Variants in GYS2 observed in about 807,000 individuals in gnomAD.
GYS2 encodes glycogen [starch] synthase, liver.
GYS2 carries 80 observed loss-of-function variants against 85.6 expected under a neutral mutation model. The observed-to-expected ratio is 0.93, with a 90% CI of 0.78 to 1.13. The LOEUF is 1.13. Ranked by LOEUF, GYS2 falls within the 50% of genes most tolerant of loss-of-function variation. The probability of loss-of-function intolerance (pLI) is 0.00; values close to 1 mark genes in which losing one functional copy is unlikely to be tolerated. For synonymous variants in GYS2, 328 were observed against 300.7 expected, an observed-to-expected ratio of 1.09 and a Z score of -0.94; for missense variants, 881 against 854.9, an observed-to-expected ratio of 1.03 and a Z score of -0.38.
intron 14 of GYS2, among the ~76,000 whole-genome samples, 163 bp downstream of exon 14, chr12:21,540,247 T>C (rs1943956061): frequency 6.6e-6 from 1 of 152,256 alleles, no homozygotes; most frequent in Non-Finnish European, 1.5e-5. Context: ...GAAATACATA[T>C]AGGACTTTGT....
intron 2 of GYS2, among the ~76,000 whole-genome samples, chr12:21,577,073 T>C (rs141113617): frequency 6.6e-6 from 1 of 152,288 alleles, no homozygotes; most frequent in East Asian, 1.9e-4. Context: ...GACCCAGGCA[T>C]GTGTGGGGAT....
At chr12:21,547,180 A>C (rs1476584075) in intron 11 of GYS2, among the ~76,000 whole-genome samples, 1 of 152,228 alleles carries the variant, frequency 6.6e-6, no homozygotes, top group Non-Finnish European at 1.5e-5. Flanking sequence ...ATGGCTTCTA[A>C]GCAGTGGTAT....
chr12:21,575,244 A>G (rs1944431427), intron 3 of GYS2, among the ~76,000 whole-genome samples: 1 of 152,206 alleles, frequency 6.6e-6, no homozygotes, highest in African/African-American at 2.4e-5. Context: ...AACACACTGA[A>G]GATCGGGGTC....
rs1215803465 is a variant in GYS2 at position 21,599,112 on chromosome 12, C to CTA, written c.121+5358_121+5359dup. ...CCCCCATCTCTCTCTGTCTCTCTCT[C>CTA]TATATATATGTATACACACATATAT... On this transcript the variant is annotated intron_variant, in intron 1 of 15. Transcript: ENST00000261195. Among the ~76,000 whole-genome samples, 7 of 151,646 alleles carry CTA rather than the reference C, an allele frequency of 4.6e-5. No individual in the cohort carries two copies. The East Asian group carries it at 1.4e-3, about 29-fold the overall frequency.
chr12:21,591,884 C>A (rs1013875852), intron 1 of GYS2, among the ~76,000 whole-genome samples: 1 of 152,030 alleles, frequency 6.6e-6, no homozygotes, highest in Non-Finnish European at 1.5e-5. Context: ...ATGTTATACC[C>A]AGCAACATTG....
At chr12:21,563,142 C>T in intron 6 of GYS2, 86 bp downstream of exon 6, 2 of 1,175,302 alleles carry the variant, frequency 1.7e-6, no homozygotes, top group Non-Finnish European at 2.6e-6. Flanking sequence ...GAAAGATAAA[C>T]ATTTATTATT....
In GYS2 at chr12:21,562,076, G is replaced by T. The variant is rs142187687; in HGVS notation, c.1062+842C>A. On this transcript the variant is annotated intron_variant, in intron 7 of 15. Transcript: ENST00000261195. ...AGCTGCCATCAATAGCTATGACATG[G>T]TATCTTTTTTTATAGTTGCTTTTAT... is the stretch of plus-strand genomic sequence containing the variant. 4.3e-4 allele frequency among the ~76,000 whole-genome samples: 65 copies of T among 152,180 alleles called. No homozygotes were observed. In the East Asian group the frequency reaches 0.012, roughly 28 times the overall value.
intron 4 of GYS2, among the ~76,000 whole-genome samples, chr12:21,571,163 A>T (rs1361313652): frequency 6.6e-6 from 1 of 152,220 alleles, no homozygotes; most frequent in Non-Finnish European, 1.5e-5. Flanking sequence ...ACCCCGTGAG[A>T]GGCCTTGGGG....
chr12:21,592,885 A>G (rs1944654990), intron 1 of GYS2, among the ~76,000 whole-genome samples: 2 of 152,090 alleles, frequency 1.3e-5, no homozygotes, highest in South Asian at 4.1e-4. Flanking sequence ...GTTAGAACAC[A>G]AAAGAAGTCT....
At position 21,559,031 on chromosome 12, in the gene GYS2, A is replaced by G. The variant is rs533457905; in HGVS notation, c.1308+60T>C. 9 of 984,414 alleles carry G rather than the reference A, an allele frequency of 9.1e-6. No individual in the cohort carries two copies. The South Asian group carries it at 1.2e-4, about 14-fold the overall frequency. The allele number at this position is 984,414 out of a possible 1,614,324, so 61.0% of individuals were successfully genotyped here. A position where few individuals can be genotyped will look rare whatever the true frequency, so the allele number is the denominator to read the frequency against. On this transcript the variant is annotated intron_variant, in intron 10 of 15. Transcript: ENST00000261195. ...AATTAGCACATTCCAATAAATTAAA[A>G]TACTGATTAGATAGAATTTAATAAC... is the stretch of plus-strand genomic sequence containing the variant.
intron 11 of GYS2, among the ~76,000 whole-genome samples, chr12:21,548,843 T>C (rs2136855397): frequency 6.6e-6 from 1 of 152,254 alleles, no homozygotes; most frequent in African/African-American, 2.4e-5. Flanking sequence ...GGGGCACGTA[T>C]TTTGCCCAAC....
At chr12:21,586,304 A>G (rs112768455) in intron 1 of GYS2, among the ~76,000 whole-genome samples, 1 of 152,122 alleles carries the variant, frequency 6.6e-6, no homozygotes, top group African/African-American at 2.4e-5. Context: ...CAAGTCCTTC[A>G]GCTTTGGGAC....
rs1180052815 is a variant in GYS2, at chr12:21,536,546, T to C, written c.*408A>G. 2 of 230,620 alleles carry C rather than the reference T, an allele frequency of 8.7e-6. No homozygotes were observed. Among genetic ancestry groups the C allele is most frequent in the Non-Finnish European group, 1.7e-5 (2 of 117,414 alleles). 14.3% of individuals were successfully genotyped at this position (230,620 alleles called of 1,614,324 possible). On this transcript the variant is annotated 3_prime_UTR_variant, in exon 16 of 16. Transcript: ENST00000261195. ...AATGTAGGTAGTGCACATTCATGGG[T>C]AAGATCAAGGTTTTCGGGGGGGAAA...
At chr12:21,591,094 C>T (rs1487384479) in intron 1 of GYS2, among the ~76,000 whole-genome samples, 1 of 151,972 alleles carries the variant, frequency 6.6e-6, no homozygotes, top group Non-Finnish European at 1.5e-5. Context: ...AGAAATATGA[C>T]ACTTCCAAAG....
intron 1 of GYS2, among the ~76,000 whole-genome samples, chr12:21,597,641 G>A (rs765800799): frequency 1.6e-4 from 24 of 152,036 alleles, no homozygotes; most frequent in Non-Finnish European, 2.9e-4. Flanking sequence ...ACAATATGTA[G>A]ATTTACCAAA....
At chr12:21,560,559 T>G in intron 7 of GYS2, 67 bp from the exon 8 acceptor site, 1 of 808,522 alleles carries the variant, frequency 1.2e-6, no homozygotes, top group Admixed American at 1.7e-5. Context: ...TAGATGGAAC[T>G]TAAACATTGA....
chr12:21,559,130 A>G lies in GYS2; in HGVS notation c.1269T>C (p.Asp423=). 6.2e-7 allele frequency: 1 copy of G among 1,609,814 alleles called. No homozygotes were observed. Among genetic ancestry groups the G allele is most frequent in the Non-Finnish European group, 8.5e-7 (1 of 1,176,738 alleles). The part of the protein sequence containing the change: ...IPDLNDILDR[D]DLTIMKRAIF... ...TGGCTCTTTTCATAATTGTTAGATC[A>G]TCTCGATCTAAAATATCGTTCAGGT... The change falls in exon 10 of 16, where the codon GAT becomes GAC. Residue 423 remains aspartate (D), a synonymous_variant. Transcript: ENST00000261195.
intron 1 of GYS2, among the ~76,000 whole-genome samples, chr12:21,600,123 T>A (rs1040661341): frequency 6.6e-6 from 1 of 152,064 alleles, no homozygotes; most frequent in African/African-American, 2.4e-5. Flanking sequence ...TCTTTTTGCT[T>A]TTGCTTGTTT....
downstream of GYS2, among the ~76,000 whole-genome samples, chr12:21,535,446 CA>C (rs1943901998): frequency 6.6e-6 from 1 of 152,178 alleles, no homozygotes; most frequent in South Asian, 2.1e-4. Flanking sequence ...AACTGCTCTG[CA>C]GATGCTCGGT....
Sources: allele counts gnomAD v4.1 joint callset (sites outside exome capture counted in the v4.1 genomes callset), GRCh38; gene constraint gnomAD v4.1.1; transcripts MANE v1.5; gene names NCBI Gene and HGNC (gene_info 2026-07-23, HGNC 2026-07-21).